MAF: variants seen among roughly 807,000 people sequenced by gnomAD.
The protein encoded by MAF is MAF bZIP transcription factor.
A neutral mutation model predicts 22.0 loss-of-function variants in MAF; 10 were observed. The observed-to-expected ratio is 0.45, with a 90% CI of 0.28 to 0.77. The LOEUF is 0.77. Ranked by LOEUF, MAF falls within the 30% of genes least tolerant of loss-of-function variation. The pLI is 0.12. For missense variants in MAF, 544 were observed against 548.4 expected (o/e 0.99, Z 0.08); for synonymous variants, 337 against 255.8 (o/e 1.32, Z -3.03).
At chr16:79,247,603 C>G in the MAF span, among the ~76,000 whole-genome samples, 18,245 of 152,226 alleles carry the variant, frequency 0.12, 1,356 homozygotes, top group Middle Eastern at 0.19. Context: ...GCACCTCTTC[C>G]CCGCTGGAAG....
chr16:79,455,741 G>A, the MAF span, among the ~76,000 whole-genome samples: 1 of 152,150 alleles, frequency 6.6e-6, no homozygotes, highest in Non-Finnish European at 1.5e-5. Context: ...ATTAAGGCTG[G>A]GCATGGCGGC....
chr16:79,569,378 G>C, the MAF span, among the ~76,000 whole-genome samples: 2 of 152,306 alleles, frequency 1.3e-5, no homozygotes, highest in Non-Finnish European at 2.9e-5. Flanking sequence ...TTAAACAGGT[G>C]AGTTTCTCTG....
At chr16:79,228,065 A>T in the MAF span, among the ~76,000 whole-genome samples, 1 of 152,110 alleles carries the variant, frequency 6.6e-6, no homozygotes, top group African/African-American at 2.4e-5. Context: ...CACCACACGC[A>T]GCTAAGTACT....
At chr16:79,574,980 C>CTAGGAGT in the MAF span, among the ~76,000 whole-genome samples, 1 of 151,314 alleles carries the variant, frequency 6.6e-6, no homozygotes, top group Non-Finnish European at 1.5e-5. Flanking sequence ...GGTTCTTCTA[C>CTAGGAGT]TAGGAGTTCT....
chr16:79,465,529 T>C, the MAF span, among the ~76,000 whole-genome samples: 321 of 151,912 alleles, frequency 2.1e-3, 1 homozygote, highest in Middle Eastern at 6.8e-3. Context: ...AGAGGTGGAG[T>C]TGCAGTGAGC....
At chr16:79,383,429 G>T in the MAF span, among the ~76,000 whole-genome samples, 1 of 152,038 alleles carries the variant, frequency 6.6e-6, no homozygotes, top group South Asian at 2.1e-4. Context: ...TGAAGGATGG[G>T]TTTCAGAATC....
At chr16:79,509,705 T>C in the MAF span, among the ~76,000 whole-genome samples, 8 of 152,242 alleles carry the variant, frequency 5.3e-5, no homozygotes, top group Non-Finnish European at 8.8e-5. Flanking sequence ...TGGCATGGCA[T>C]TGCCTCTCCC....
chr16:79,410,133 G>C, the MAF span, among the ~76,000 whole-genome samples: 1 of 152,166 alleles, frequency 6.6e-6, no homozygotes, highest in Non-Finnish European at 1.5e-5. Flanking sequence ...TTCAAACTGT[G>C]TTCAAATAAG....
chr16:79,293,497 C>T, the MAF span, among the ~76,000 whole-genome samples: 1 of 152,052 alleles, frequency 6.6e-6, no homozygotes, highest in African/African-American at 2.4e-5. Context: ...ACTGCTTTTT[C>T]CTTACAAGAA....
the MAF span, among the ~76,000 whole-genome samples, chr16:79,382,630 T>C: frequency 6.6e-6 from 1 of 152,258 alleles, no homozygotes; most frequent in African/African-American, 2.4e-5. Context: ...ATATTGTTTT[T>C]TAAAATTGGA....
chr16:79,379,740 A>C, the MAF span, among the ~76,000 whole-genome samples: 1 of 152,232 alleles, frequency 6.6e-6, no homozygotes, highest in South Asian at 2.1e-4. Context: ...GATGCAAGGA[A>C]GGGCAGCCTT....
chr16:79,503,264 T>A, the MAF span, among the ~76,000 whole-genome samples: 1 of 152,186 alleles, frequency 6.6e-6, no homozygotes, highest in Non-Finnish European at 1.5e-5. Flanking sequence ...TTTTATTGAG[T>A]GTCTACACTG....
At chr16:79,252,228 C>G in the MAF span, among the ~76,000 whole-genome samples, 1 of 152,158 alleles carries the variant, frequency 6.6e-6, no homozygotes. Context: ...GCCCTCCCAA[C>G]ACGAAAGCAG....
At chr16:79,545,233 C>A in the MAF span, among the ~76,000 whole-genome samples, 18 of 152,128 alleles carry the variant, frequency 1.2e-4, no homozygotes, top group Non-Finnish European at 2.5e-4. Flanking sequence ...GACTCAGACA[C>A]AGGACATTGT....
the MAF span, among the ~76,000 whole-genome samples, chr16:79,412,916 C>T: frequency 2.6e-5 from 4 of 152,198 alleles, no homozygotes; most frequent in Non-Finnish European, 5.9e-5. Flanking sequence ...TTCGCCTTGC[C>T]CTGTAGGTAT....
In MAF at chr16:79,599,413, C is replaced by A; in HGVS notation, c.490G>T (p.Val164Leu). 8.6e-7 allele frequency: 1 copy of A among 1,158,394 alleles called. No homozygotes were observed. Among genetic ancestry groups the A allele is most frequent in the Non-Finnish European group, 1.1e-6 (1 of 942,986 alleles). 71.8% of individuals were successfully genotyped at this position (1,158,394 alleles called of 1,614,324 possible). ...GCGGCCGCGGCGATCACGGCGGACA[C>A]CACGGCGGCGGCGGGGCCCATCTCC... ...GEEMGPAAAV[V>L]SAVIAAAAAQ... The change falls in exon 1 of 2, where the codon GTG becomes TTG. Residue 164 changes from valine (V) to leucine (L), a missense_variant. Physicochemically the swap from Val to Leu is conservative, Grantham distance 32. Transcript: ENST00000326043.
chr16:79,283,667 C>A, the MAF span, among the ~76,000 whole-genome samples: 2 of 152,258 alleles, frequency 1.3e-5, no homozygotes, highest in South Asian at 4.2e-4. Context: ...GGTAGTGTCG[C>A]CATAACCAAT....
At chr16:79,409,246 C>T in the MAF span, among the ~76,000 whole-genome samples, 6 of 152,302 alleles carry the variant, frequency 3.9e-5, no homozygotes, top group South Asian at 1.0e-3. Context: ...ATCTAGTGAT[C>T]TTGGGGTTCA....
chr16:79,541,911 C>T, the MAF span, among the ~76,000 whole-genome samples: 2 of 152,078 alleles, frequency 1.3e-5, no homozygotes, highest in Admixed American at 6.6e-5. Flanking sequence ...CATCCTCAGC[C>T]TCCCAAAGTG....
Sources: gnomAD v4.1 joint callset for allele counts (sites outside exome capture counted in the v4.1 genomes callset) on GRCh38, gnomAD v4.1.1 for gene constraint, MANE v1.5 for transcripts, NCBI Gene and HGNC (gene_info 2026-07-23, HGNC 2026-07-21) for gene names.